SLC30A8: variants seen among roughly 807,000 people sequenced by gnomAD.
The protein encoded by SLC30A8 is solute carrier family 30 member 8.
Under a neutral mutation model 36.9 loss-of-function variants are expected in SLC30A8, and 27 were observed. The observed-to-expected ratio is 0.73, with a 90% CI of 0.54 to 1.01. The LOEUF (loss-of-function observed/expected upper bound fraction) is 1.01, where lower values mean the gene tolerates loss of function less well. Among genes scored for constraint, SLC30A8 ranks in the 50% least tolerant of loss-of-function variants. SLC30A8 has a pLI of 0.00. For synonymous variants in SLC30A8, 164 were observed against 172.4 expected (o/e 0.95, Z 0.38); for missense variants, 439 against 452.0 (o/e 0.97, Z 0.26).
At position 117,062,376 on chromosome 8, in the gene SLC30A8, C is replaced by T. The variant is rs140650477; in HGVS notation, c.-226+23118C>T. On this transcript the variant is annotated intron_variant, in intron 2 of 10. Transcript: ENST00000427715. Reference sequence around the variant, plus strand: ...ATCTGCTCAGCTTCTGGGGAGGCCTCAAGGAACTTTTACTTATGGTGGAAG... The same window carrying T: ...ATCTGCTCAGCTTCTGGGGAGGCCTTAAGGAACTTTTACTTATGGTGGAAG... Among the ~76,000 whole-genome samples the T allele has an allele frequency of 3.7e-3, 560 of 152,276 alleles. 1 individual carries two copies. Among genetic ancestry groups the T allele is most frequent in the Middle Eastern group, 0.014 (4 of 294 alleles).
chr8:117,016,524 T>C (rs936570505), intron 1 of SLC30A8, among the ~76,000 whole-genome samples: 2 of 152,182 alleles, frequency 1.3e-5, no homozygotes, highest in Non-Finnish European at 2.9e-5. Flanking sequence ...ATTTCTCCTG[T>C]TGAAATGCAC....
At position 117,148,997 on chromosome 8, in the gene SLC30A8, C is replaced by T. The variant is rs1822035265; in HGVS notation, c.271+1844C>T. On this transcript the variant is annotated intron_variant, in intron 2 of 7. Transcript: ENST00000456015. ...TCCTCATCCCAGGACATCACCCTGT[C>T]TTGTGCAGAAAACATATTTCCCCTC... Among the ~76,000 whole-genome samples, 3 of 152,318 alleles carry T rather than the reference C, an allele frequency of 2.0e-5. No homozygotes were observed. In the South Asian group the frequency reaches 6.2e-4, roughly 32 times the overall value.
intron 1 of SLC30A8, among the ~76,000 whole-genome samples, chr8:116,997,564 A>G (rs1001495741): frequency 3.9e-5 from 6 of 152,174 alleles, no homozygotes; most frequent in African/African-American, 1.4e-4. Flanking sequence ...AAAACAGGGA[A>G]ATGAAATTTA....
intron 2 of SLC30A8, among the ~76,000 whole-genome samples, chr8:117,066,189 A>G (rs895974258): frequency 6.6e-6 from 1 of 152,182 alleles, no homozygotes; most frequent in Non-Finnish European, 1.5e-5. Context: ...TGGGCAGTGA[A>G]TGCAAGTAGG....
At chr8:116,999,830 CAAAA>C (rs1251095498) in intron 1 of SLC30A8, among the ~76,000 whole-genome samples, 4 of 151,584 alleles carry the variant, frequency 2.6e-5, no homozygotes, top group Non-Finnish European at 4.4e-5. Flanking sequence ...AATTATGAAA[CAAAA>C]AAGCAGACAT....
At chr8:117,093,691 G>A (rs1327804165) in intron 2 of SLC30A8, among the ~76,000 whole-genome samples, 3 of 152,158 alleles carry the variant, frequency 2.0e-5, no homozygotes, top group East Asian at 1.9e-4. Context: ...TTACTGTCAT[G>A]GGATTTTTGG....
In SLC30A8 at chr8:117,152,896, A is replaced by G. The variant is rs780996604; in HGVS notation, c.272-48A>G. On this transcript the variant is annotated intron_variant, in intron 2 of 7. Transcript: ENST00000456015. ...TGATGGTTAGCATGTCTGTGAATCT[A>G]GCTGCATTCTGGGACCTTAACACAG... is the stretch of plus-strand genomic sequence containing the variant. 2.8e-6 allele frequency: 4 copies of G among 1,406,386 alleles called. No homozygotes were observed. In the Admixed American group the frequency reaches 8.5e-5, roughly 30 times the overall value. 87.1% of individuals were successfully genotyped at this position (1,406,386 alleles called of 1,614,324 possible). A position where few individuals can be genotyped will look rare whatever the true frequency, so the allele number is the denominator to read the frequency against.
chr8:116,976,283 C>T (rs898135399), intron 1 of SLC30A8, among the ~76,000 whole-genome samples: 1 of 151,242 alleles, frequency 6.6e-6, no homozygotes, highest in Non-Finnish European at 1.5e-5. Flanking sequence ...AATGCTCCCA[C>T]CCATGACCTA....
chr8:117,021,342 A>G (rs929201556), intron 1 of SLC30A8, among the ~76,000 whole-genome samples: 6 of 152,154 alleles, frequency 3.9e-5, no homozygotes, highest in Middle Eastern at 3.2e-3. Flanking sequence ...GGTCACCTCA[A>G]TTTCTTTTTA....
At chr8:117,159,236 CA>C (rs1470944541) in intron 4 of SLC30A8, among the ~76,000 whole-genome samples, 8 of 152,194 alleles carry the variant, frequency 5.3e-5, no homozygotes, top group African/African-American at 1.9e-4. Context: ...GTTACAGAAG[CA>C]ATAGGAAACT....
At chr8:117,089,197 T>G (rs898075295) in intron 2 of SLC30A8, among the ~76,000 whole-genome samples, 4 of 152,202 alleles carry the variant, frequency 2.6e-5, no homozygotes, top group African/African-American at 9.7e-5. Context: ...TCTACCTAGG[T>G]GGGCTTTTCT....
At chr8:116,978,721 G>C (rs943293450) in intron 1 of SLC30A8, among the ~76,000 whole-genome samples, 1 of 152,098 alleles carries the variant, frequency 6.6e-6, no homozygotes, top group Non-Finnish European at 1.5e-5. Flanking sequence ...GCTGCCCCTT[G>C]GAGATATTCT....
intron 1 of SLC30A8, among the ~76,000 whole-genome samples, chr8:117,014,559 G>T (rs1364853570): frequency 6.6e-6 from 1 of 152,130 alleles, no homozygotes; most frequent in Non-Finnish European, 1.5e-5. Flanking sequence ...GTCCCTTTTG[G>T]ACTTAAGGTA....
At chr8:117,101,297 G>T (rs1028936133) in intron 2 of SLC30A8, among the ~76,000 whole-genome samples, 4 of 152,024 alleles carry the variant, frequency 2.6e-5, no homozygotes, top group Non-Finnish European at 5.9e-5. Context: ...AATTAAAAGG[G>T]ATTCAATGGA....
intron 1 of SLC30A8, among the ~76,000 whole-genome samples, chr8:116,977,137 CTTGCT>C (rs1815061906): frequency 1.8e-5 from 1 of 55,298 alleles, no homozygotes; most frequent in African/African-American, 7.8e-5. Flanking sequence ...TTTTCTTTTT[CTTGCT>C]TTTTTTTTTT....
At position 117,057,301 on chromosome 8, in the gene SLC30A8, A is replaced by T. The variant is rs115479964; in HGVS notation, c.-226+18043A>T. ...CATGTTTAAGGCGTACAGTGTGATG[A>T]TTTGGTATACATACATATTGTATAA... On this transcript the variant is annotated intron_variant, in intron 2 of 10. Transcript: ENST00000427715. Among the ~76,000 whole-genome samples the T allele has an allele frequency of 9.7e-3, 1,474 of 152,324 alleles. 18 individuals carry two copies. Among genetic ancestry groups the T allele is most frequent in the African/African-American group, 0.033 (1,377 of 41,568 alleles).
chr8:117,115,935 C>T (rs1820425158), intron 2 of SLC30A8, among the ~76,000 whole-genome samples: 1 of 151,978 alleles, frequency 6.6e-6, no homozygotes, highest in Non-Finnish European at 1.5e-5. Flanking sequence ...GTTGCATTTG[C>T]AGAGCAAGCA....
At chr8:117,064,248 G>A (rs527686819) in intron 2 of SLC30A8, among the ~76,000 whole-genome samples, 20 of 152,080 alleles carry the variant, frequency 1.3e-4, no homozygotes, top group South Asian at 1.2e-3. Context: ...CACCTGCCTC[G>A]GCCTCCCAAA....
At chr8:117,121,597 A>G (rs1291803773) in intron 2 of SLC30A8, among the ~76,000 whole-genome samples, 1 of 151,934 alleles carries the variant, frequency 6.6e-6, no homozygotes, top group Non-Finnish European at 1.5e-5. Context: ...CACCTCCCAA[A>G]GATGCCACCT....
Sources: gnomAD v4.1 joint callset for allele counts (sites outside exome capture counted in the v4.1 genomes callset) on GRCh38, gnomAD v4.1.1 for gene constraint, MANE v1.5 for transcripts, NCBI Gene and HGNC (gene_info 2026-07-23, HGNC 2026-07-21) for gene names.